AP4M1: variants seen among roughly 807,000 people sequenced by gnomAD.
The protein encoded by AP4M1 is adaptor related protein complex 4 subunit mu 1.
AP4M1 carries 58 observed loss-of-function variants against 62.4 expected under a neutral mutation model. The observed-to-expected ratio is 0.93, with a 90% confidence interval of 0.75 to 1.16. The LOEUF (loss-of-function observed/expected upper bound fraction) is 1.16, where lower values mean the gene tolerates loss of function less well. Ranked by LOEUF, AP4M1 falls within the 50% of genes most tolerant of loss-of-function variation. AP4M1 has a pLI of 0.00. For missense variants in AP4M1, 626 were observed against 585.4 expected, an observed-to-expected ratio of 1.07 and a Z score of -0.72; for synonymous variants, 290 against 239.7, an observed-to-expected ratio of 1.21 and a Z score of -1.94.
At chr7:100,101,063 A>C (rs1237201421), upstream of AP4M1, 1 of 727,854 alleles carries the variant, frequency 1.4e-6, no homozygotes, top group Non-Finnish European at 2.2e-6. Context: ...TGGGATTACT[A>C]GCTTTTCTTC....
In AP4M1 at chr7:100,108,400, C is replaced by T. The variant is rs141016140; in HGVS notation, c.*1518C>T. 5.1e-5 allele frequency: 83 copies of T among 1,612,368 alleles called. 1 individual carries two copies. The African/African-American group carries it at 8.7e-4, about 17-fold the overall frequency. ...TGGTCAGAGTGGTCCTGTTGACCTG[C>T]TGAGCCTGCAGAGCAGCCTGGGCCC... On this transcript the variant is annotated 3_prime_UTR_variant, in exon 15 of 15. Coordinates refer to ENST00000359593, the MANE Select transcript of AP4M1 (RefSeq NM_004722.4).
rs753964953 is a variant in AP4M1 at position 100,101,953 on chromosome 7, G to T, written c.132G>T (p.Glu44Asp). ...YRKLTGLPGD[E>D]SPVVMHHHGR... is the part of the protein sequence containing the mutation. ...AGCTGACGGGACTGCCAGGAGACGAGTCCCCGGTTGTCATGGTAACCAGTG... is the reference window on the plus strand; with the variant it reads ...AGCTGACGGGACTGCCAGGAGACGATTCCCCGGTTGTCATGGTAACCAGTG... The change falls in exon 2 of 15, where the codon GAG (glutamate) becomes GAT (aspartate). Residue 44 changes from glutamate to aspartate, a missense_variant. By Grantham distance (45) the Glu-to-Asp change is conservative. Coordinates refer to ENST00000359593, the MANE Select transcript of AP4M1 (RefSeq NM_004722.4). The T allele has an allele frequency of 1.9e-6, 3 of 1,613,266 alleles. No homozygotes were observed. In the South Asian group the frequency reaches 3.3e-5, roughly 18 times the overall value.
chr7:100,105,737 A>C (rs1196047351), intron 11 of AP4M1, among the ~76,000 whole-genome samples, 198 bp downstream of exon 11: 1 of 151,880 alleles, frequency 6.6e-6, no homozygotes, highest in Non-Finnish European at 1.5e-5. Context: ...ACTTGAGCCC[A>C]GGAGTTCCAG....
intron 4 of AP4M1, 35 bp downstream of exon 4, chr7:100,102,995 C>G: frequency 6.4e-7 from 1 of 1,573,742 alleles, no homozygotes; most frequent in Non-Finnish European, 8.7e-7. Context: ...TGGCCCCTAC[C>G]CAATTCCCCT....
chr7:100,105,657 A>G, intron 11 of AP4M1, 118 bp downstream of exon 11: 1 of 1,114,340 alleles, frequency 9.0e-7, no homozygotes, highest in Non-Finnish European at 1.3e-6. Flanking sequence ...AAATTGGAAA[A>G]AGGCTTGGGT....
rs549358572 is a variant in AP4M1, at chr7:100,102,852, G to A, written c.255-12G>A. 71 of 1,613,970 alleles carry A rather than the reference G, an allele frequency of 4.4e-5. 1 individual carries two copies. The Admixed American group carries it at 5.3e-4, about 12-fold the overall frequency. Reference sequence around the variant, plus strand: ...GAGGAGGAGAAAATACACGCTCCAAGTGTTTCCTCAGGTTGGCCACCCTTC... The same window carrying A: ...GAGGAGGAGAAAATACACGCTCCAAATGTTTCCTCAGGTTGGCCACCCTTC... On this transcript the variant is annotated splice_polypyrimidine_tract_variant and intron_variant, in intron 3 of 14. Coordinates refer to ENST00000359593, the MANE Select transcript of AP4M1 (RefSeq NM_004722.4).
At chr7:100,101,351 A>G, upstream of AP4M1, 3 of 1,609,524 alleles carry the variant, frequency 1.9e-6, no homozygotes, top group Non-Finnish European at 2.5e-6. Context: ...GCTCCTGGGG[A>G]AGCTGAGAAT....
Position 100,102,696 on chromosome 7 carries a change from A to G in AP4M1, c.169A>G (p.Ile57Val), listed in dbSNP as rs990091155. 21 of 1,613,896 alleles carry G rather than the reference A, an allele frequency of 1.3e-5. No homozygotes were observed. Among genetic ancestry groups the G allele is most frequent in the Non-Finnish European group, 1.6e-5 (19 of 1,180,018 alleles). Residue 57 changes from isoleucine to valine, a missense_variant, in exon 3 of 15, where the codon ATT becomes GTT. Transcript: ENST00000359593. ...VVMHHHGRHF[I>V]HIRHSGLYLV... Reference sequence around the variant, plus strand: ...TCAGCATCACCATGGCCGTCATTTCATTCACATCAGACACAGCGGCCTCTA... The same window carrying G: ...TCAGCATCACCATGGCCGTCATTTCGTTCACATCAGACACAGCGGCCTCTA...
upstream of AP4M1, chr7:100,101,010 G>T: frequency 1.3e-6 from 1 of 766,886 alleles, no homozygotes; most frequent in Non-Finnish European, 2.0e-6. Flanking sequence ...GGGTTAGCGC[G>T]CCCCCAAGCC....
At position 100,108,831 on chromosome 7, in the gene AP4M1, C is replaced by T. The variant is rs150877929; in HGVS notation, c.*1949C>T. On this transcript the variant is annotated 3_prime_UTR_variant, in exon 15 of 15. Transcript: ENST00000359593. The stretch of plus-strand genomic sequence containing the variant: ...GGGTGGATCACTTGAGGTCAAGAGC[C>T]TGGCCAAAATGGAGAAACCTCATCT... 9.9e-3 allele frequency: 2,683 copies of T among 271,772 alleles called. 37 individuals carry two copies. The highest frequency in any genetic ancestry group is 0.05 in the Middle Eastern group (46 of 912). 16.8% of individuals were successfully genotyped at this position (271,772 alleles called of 1,614,324 possible).
chr7:100,108,551 GAAA>G lies in AP4M1; in HGVS notation c.*1674_*1676del, dbSNP rs934943423. Reference sequence around the variant, plus strand: ...AGGAGCACAGTGTTTCTGCAGAACAGAAAAAAAGCCAGGTAGAGGGAGGGCTGG... The same window carrying G: ...AGGAGCACAGTGTTTCTGCAGAACAGAAAAGCCAGGTAGAGGGAGGGCTGG... On this transcript the variant is annotated 3_prime_UTR_variant, in exon 15 of 15. Coordinates refer to ENST00000359593, the MANE Select transcript of AP4M1 (RefSeq NM_004722.4). The G allele has an allele frequency of 1.9e-6, 3 of 1,582,426 alleles. No homozygotes were observed. Among genetic ancestry groups the G allele is most frequent in the Admixed American group, 3.5e-5 (2 of 56,682 alleles).
chr7:100,106,271 C>T lies in AP4M1; in HGVS notation c.1005C>T (p.Pro335=), dbSNP rs149326211. ...SQALNVRLHL[P]LPRGVVSLSQ... ...CCCTCAATGTCAGGCTGCACCTCCC[C>T]CTGCCTCGAGGGGTGGTCAGGTGAG... The change falls in exon 13 of 15, where the codon CCC becomes CCT. Residue 335 remains proline, a synonymous_variant. Coordinates refer to ENST00000359593, the MANE Select transcript of AP4M1 (RefSeq NM_004722.4). 6 of 1,613,996 alleles carry T rather than the reference C, an allele frequency of 3.7e-6. No individual in the cohort carries two copies. In the African/African-American group the frequency reaches 8.0e-5, roughly 22 times the overall value.
At position 100,107,711 on chromosome 7, in the gene AP4M1, T is replaced by G; in HGVS notation, c.*829T>G. The G allele has an allele frequency of 6.5e-7, 1 of 1,532,202 alleles. No homozygotes were observed. Among genetic ancestry groups the G allele is most frequent in the Non-Finnish European group, 8.8e-7 (1 of 1,141,364 alleles). 94.9% of individuals were successfully genotyped at this position (1,532,202 alleles called of 1,614,324 possible). A position where few individuals can be genotyped will look rare whatever the true frequency, so the allele number is the denominator to read the frequency against. On this transcript the variant is annotated 3_prime_UTR_variant, in exon 15 of 15. Transcript: ENST00000359593. ...GAGGACGCTTCACTCGCTCCCTGCC[T>G]GAACAAGTTGTTCCTGTAGTTCACC...
Position 100,108,447 on chromosome 7 carries a change from A to G in AP4M1, c.*1565A>G, listed in dbSNP as rs1314355505. 6.2e-7 allele frequency: 1 copy of G among 1,613,874 alleles called. No individual in the cohort carries two copies. Among genetic ancestry groups the G allele is most frequent in the African/African-American group, 1.3e-5 (1 of 74,910 alleles). ...GCCCGAGCCTTGACCACCTGGGAGCAGAGGAGGGGCCCAAGGGACCCGAAT... is the reference window on the plus strand; with the variant it reads ...GCCCGAGCCTTGACCACCTGGGAGCGGAGGAGGGGCCCAAGGGACCCGAAT... On this transcript the variant is annotated 3_prime_UTR_variant, in exon 15 of 15. Coordinates refer to ENST00000359593, the MANE Select transcript of AP4M1 (RefSeq NM_004722.4).
At chr7:100,103,334 C>A in intron 4 of AP4M1, 75 bp from the exon 5 acceptor site, 1 of 1,278,398 alleles carries the variant, frequency 7.8e-7, no homozygotes, top group Non-Finnish European at 1.1e-6. Context: ...GAGTGAGTCA[C>A]CATGCCTGGC....
chr7:100,108,829 G>A lies in AP4M1; in HGVS notation c.*1947G>A. On this transcript the variant is annotated 3_prime_UTR_variant, in exon 15 of 15. Transcript: ENST00000359593. ...GTGGGTGGATCACTTGAGGTCAAGA[G>A]CCTGGCCAAAATGGAGAAACCTCAT... 1 of 277,672 alleles carries A rather than the reference G, an allele frequency of 3.6e-6. No homozygotes were observed. Among genetic ancestry groups the A allele is most frequent in the South Asian group, 9.3e-5 (1 of 10,760 alleles). The allele number at this position is 277,672 out of a possible 1,614,324, so 17.2% of individuals were successfully genotyped here. A position where few individuals can be genotyped will look rare whatever the true frequency, so the allele number is the denominator to read the frequency against.
At chr7:100,102,409 GAAAAAAA>G (rs34378459) in intron 2 of AP4M1, 13 of 370,800 alleles carry the variant, frequency 3.5e-5, no homozygotes, top group African/African-American at 7.4e-5. Context: ...TGGGGGTGGG[GAAAAAAA>G]AAAAAAGAGT....
rs1796345441 is a variant in AP4M1 at position 100,105,042 on chromosome 7, CAG to C, written c.675_676del. On this transcript the variant is annotated splice_acceptor_variant, in intron 8 of 14. Coordinates refer to ENST00000359593, the MANE Select transcript of AP4M1 (RefSeq NM_004722.4). LOFTEE classifies it high-confidence loss of function. ...GCTCTCCTGATGGTCTCTCCTCCGA[CAG>C]AGATGCGCATTGGCTTGACGGAAGA... 6.2e-7 allele frequency: 1 copy of C among 1,614,008 alleles called. No individual in the cohort carries two copies.
In AP4M1 at chr7:100,107,399, T is replaced by A. The variant is rs752995974; in HGVS notation, c.*517T>A. 1 of 1,600,900 alleles carries A rather than the reference T, an allele frequency of 6.2e-7. No homozygotes were observed. The highest frequency in any genetic ancestry group is 1.1e-5 in the South Asian group (1 of 90,416). On this transcript the variant is annotated 3_prime_UTR_variant, in exon 15 of 15. Coordinates refer to ENST00000359593, the MANE Select transcript of AP4M1 (RefSeq NM_004722.4). ...ACGGGGACGATGCCGGGGGAGGAAC[T>A]GGAGAAGGATGGGAGGTGGGGCCTC... is the stretch of plus-strand genomic sequence containing the variant.
Sources: gnomAD v4.1 joint callset for allele counts (sites outside exome capture counted in the v4.1 genomes callset) on GRCh38, gnomAD v4.1.1 for gene constraint, MANE v1.5 for transcripts, NCBI Gene and HGNC (gene_info 2026-07-23, HGNC 2026-07-21) for gene names.